Variants in SLC25A26 observed in about 807,000 individuals in gnomAD.
The protein encoded by SLC25A26 is mitochondrial S-adenosylmethionine carrier protein.
Under a neutral mutation model 37.8 loss-of-function variants are expected in SLC25A26, and 36 were observed. The ratio of observed to expected loss-of-function variants is 0.95; its 90% CI spans 0.73 to 1.26. The LOEUF is 1.26. Ranked by LOEUF, SLC25A26 falls within the 50% of genes most tolerant of loss-of-function variation. The pLI is 0.00. For missense variants in SLC25A26, 390 were observed against 331.1 expected (o/e 1.18, Z -1.38); for synonymous variants, 129 against 122.5 (o/e 1.05, Z -0.35).
chr3:66,215,116 G>A (rs1248303616), intron 1 of SLC25A26, among the ~76,000 whole-genome samples: 1 of 152,094 alleles, frequency 6.6e-6, no homozygotes, highest in Admixed American at 6.6e-5. Context: ...GAGATACTCT[G>A]TCTCAAAAAC....
chr3:66,367,681 TAGACAGACAGAC>T (rs3054005), intron 7 of SLC25A26, among the ~76,000 whole-genome samples: 6 of 136,640 alleles, frequency 4.4e-5, no homozygotes, highest in African/African-American at 1.3e-4. Context: ...GATAGATAGA[TAGACAGACAGAC>T]AGACAGACAG....
rs36134565 is a variant in SLC25A26 at position 66,221,119 on chromosome 3, G to A, written c.25G>A (p.Ala9Thr). The change falls in exon 1 of 10, where the codon GCG becomes ACG. Residue 9 changes from alanine to threonine, a missense_variant. Transcript: ENST00000354883. Reference protein sequence around the residue: MDRPGFVAALVAGGVAGVS... With the variant: MDRPGFVATLVAGGVAGVS... ...CATGGACCGGCCGGGGTTCGTGGCA[G>A]CGCTGGTGGTGAGTGCGGGGCGGTG... The A allele has an allele frequency of 6.5e-7, 1 of 1,530,542 alleles. No individual in the cohort carries two copies. The allele number at this position is 1,530,542 out of a possible 1,614,324, so 94.8% of individuals were successfully genotyped here. A position where few individuals can be genotyped will look rare whatever the true frequency, so the allele number is the denominator to read the frequency against.
At chr3:66,270,867 G>C (rs140351557) in intron 5 of SLC25A26, among the ~76,000 whole-genome samples, 1 of 152,070 alleles carries the variant, frequency 6.6e-6, no homozygotes, top group Non-Finnish European at 1.5e-5. Context: ...CTCATGTTTC[G>C]TTTACATGAA....
chr3:66,149,169 G>C (rs1201925497), intron 1 of SLC25A26, among the ~76,000 whole-genome samples: 1 of 152,088 alleles, frequency 6.6e-6, no homozygotes, highest in Non-Finnish European at 1.5e-5. Context: ...TTTCCAAGGA[G>C]TGACATGGAC....
At chr3:66,229,559 G>A (rs1413870654) in intron 1 of SLC25A26, among the ~76,000 whole-genome samples, 3 of 152,224 alleles carry the variant, frequency 2.0e-5, no homozygotes, top group Non-Finnish European at 4.4e-5. Context: ...GCCCTGTGAA[G>A]AAGGTGCCTG....
chr3:66,210,552 G>C (rs1427171465), intron 1 of SLC25A26, among the ~76,000 whole-genome samples: 1 of 151,928 alleles, frequency 6.6e-6, no homozygotes, highest in Non-Finnish European at 1.5e-5. Flanking sequence ...GTCTCACTCT[G>C]TCACTAGGCT....
chr3:66,134,083 C>G (rs995645068), intron 1 of SLC25A26: 1 of 152,180 alleles, frequency 6.6e-6, no homozygotes, highest in African/African-American at 2.4e-5. Flanking sequence ...GAGACTGCAA[C>G]TTAGCTATTT....
chr3:66,204,244 T>G (rs943237193), intron 1 of SLC25A26, among the ~76,000 whole-genome samples: 1 of 151,382 alleles, frequency 6.6e-6, no homozygotes, highest in African/African-American at 2.4e-5. Context: ...GCTAACACGG[T>G]GAAACCCCGT....
At chr3:66,360,366 A>T (rs1196502411) in intron 6 of SLC25A26, among the ~76,000 whole-genome samples, 2 of 152,222 alleles carry the variant, frequency 1.3e-5, no homozygotes, top group African/African-American at 4.8e-5. Flanking sequence ...GCATACCATT[A>T]TTCTGAAGGT....
intron 6 of SLC25A26, among the ~76,000 whole-genome samples, chr3:66,353,193 G>A (rs951647201): frequency 3.9e-5 from 6 of 152,166 alleles, no homozygotes; most frequent in South Asian, 2.1e-4. Flanking sequence ...TGTGTGCTGC[G>A]TAGCAGACAG....
intron 5 of SLC25A26, among the ~76,000 whole-genome samples, chr3:66,336,962 A>G (rs2076104649): frequency 6.6e-6 from 1 of 152,164 alleles, no homozygotes; most frequent in South Asian, 2.1e-4. Flanking sequence ...ATCTACTGTG[A>G]CATCGTATTT....
At chr3:66,313,406 G>A (rs1187859309) in intron 5 of SLC25A26, among the ~76,000 whole-genome samples, 1 of 152,028 alleles carries the variant, frequency 6.6e-6, no homozygotes, top group Admixed American at 6.6e-5. Flanking sequence ...TTTTTGTCAG[G>A]TTTCTCAAAG....
chr3:66,170,798 T>TG (rs2070485569), intron 1 of SLC25A26, among the ~76,000 whole-genome samples: 8 of 121,928 alleles, frequency 6.6e-5, no homozygotes, highest in Admixed American at 2.4e-4. Context: ...ATTGTTTTTT[T>TG]TTTTTTTTTT....
chr3:66,318,929 C>A (rs1014421799), intron 5 of SLC25A26, among the ~76,000 whole-genome samples: 1 of 152,150 alleles, frequency 6.6e-6, no homozygotes, highest in Admixed American at 6.5e-5. Context: ...GGATTACAGA[C>A]ACGAACCACC....
chr3:66,203,587 A>G (rs2071136673), intron 1 of SLC25A26, among the ~76,000 whole-genome samples: 1 of 152,224 alleles, frequency 6.6e-6, no homozygotes, highest in Non-Finnish European at 1.5e-5. Context: ...TTAAATTTTT[A>G]AAATAATGGG....
intron 1 of SLC25A26, among the ~76,000 whole-genome samples, chr3:66,180,300 C>A (rs1446797268): frequency 6.6e-6 from 1 of 152,202 alleles, no homozygotes; most frequent in Non-Finnish European, 1.5e-5. Flanking sequence ...ATCTTTCTTT[C>A]TCTGTCTCCC....
chr3:66,292,337 G>C (rs1031412057), intron 5 of SLC25A26, among the ~76,000 whole-genome samples: 3 of 152,128 alleles, frequency 2.0e-5, no homozygotes, highest in Non-Finnish European at 2.9e-5. Context: ...ATGTGATCCT[G>C]TTGTTACGAT....
At chr3:66,257,620 T>G (rs1054191298) in intron 3 of SLC25A26, among the ~76,000 whole-genome samples, 7 of 152,198 alleles carry the variant, frequency 4.6e-5, no homozygotes, top group Non-Finnish European at 1.0e-4. Flanking sequence ...CTGTGGGGTC[T>G]TCATGTATTA....
intron 2 of SLC25A26, among the ~76,000 whole-genome samples, chr3:66,240,828 C>T (rs1353574224): frequency 6.7e-6 from 1 of 149,080 alleles, no homozygotes; most frequent in African/African-American, 2.5e-5. Flanking sequence ...TCACTGCAAG[C>T]TCCGCCTCCT....
Sources: gnomAD v4.1 joint callset for allele counts (sites outside exome capture counted in the v4.1 genomes callset) on GRCh38, gnomAD v4.1.1 for gene constraint, MANE v1.5 for transcripts, NCBI Gene and HGNC (gene_info 2026-07-23, HGNC 2026-07-21) for gene names.